Variants in LAIR1 observed in about 807,000 individuals in gnomAD.
LAIR1 encodes the protein leukocyte-associated immunoglobulin-like receptor 1.
A neutral mutation model predicts 32.8 loss-of-function variants in LAIR1; 24 were observed. The observed-to-expected ratio is 0.73, with a 90% CI of 0.53 to 1.03. The LOEUF is 1.03. Among genes scored for constraint, LAIR1 ranks in the 50% least tolerant of loss-of-function variants. The pLI, the probability that LAIR1 is intolerant of heterozygous loss-of-function variation, is 0.00. For synonymous variants in LAIR1, 150 were observed against 140.5 expected (o/e 1.07, Z -0.48); for missense variants, 355 against 347.5 (o/e 1.02, Z -0.17).
Position 54,364,601 on chromosome 19 carries a change from C to A in LAIR1, c.34+170G>T. On this transcript the variant is annotated intron_variant, in intron 1 of 9. Coordinates refer to ENST00000391742, the MANE Select transcript of LAIR1 (RefSeq NM_002287.6). This position sits in a 1 kb window ranked among gnomAD's most constrained non-coding sequence, Gnocchi z 4.8. ...CACACCCGGGCCCCTGTTTTTAGGA[C>A]AAGATCTTCTCTGATCAGACTTAGG... The A allele has an allele frequency of 1.2e-6, 1 of 838,002 alleles. No homozygotes were observed. The allele number at this position is 838,002 out of a possible 1,614,324, so 51.9% of individuals were successfully genotyped here.
At chr19:54,370,804 A>T (rs2082387244), upstream of LAIR1, among the ~76,000 whole-genome samples, 3 of 150,942 alleles carry the variant, frequency 2.0e-5, no homozygotes, top group Admixed American at 6.6e-5. Flanking sequence ...TTACTCCCTA[A>T]TTAGTGCCTG....
In LAIR1 at chr19:54,364,378, T is replaced by A. The variant is rs766900448; in HGVS notation, c.35-48A>T. On this transcript the variant is annotated intron_variant, in intron 1 of 9. Coordinates refer to ENST00000391742, the MANE Select transcript of LAIR1 (RefSeq NM_002287.6). The surrounding 1 kb of genome is among the most constrained non-coding windows in gnomAD (Gnocchi z 4.8). Reference sequence around the variant, plus strand: ...AAAAATGCCCAGTGCCCAGTCTCCTTACGGGGCTGCTGTCAAAAGGGGGCT... The same window carrying A: ...AAAAATGCCCAGTGCCCAGTCTCCTAACGGGGCTGCTGTCAAAAGGGGGCT... 5.1e-5 allele frequency: 82 copies of A among 1,612,664 alleles called. 1 individual carries two copies. Among genetic ancestry groups the A allele is most frequent in the Non-Finnish European group, 1.1e-5 (13 of 1,178,848 alleles).
chr19:54,364,437 C>T lies in LAIR1; in HGVS notation c.35-107G>A, dbSNP rs777584699. 40 of 1,268,704 alleles carry T rather than the reference C, an allele frequency of 3.2e-5. No homozygotes were observed. Among genetic ancestry groups the T allele is most frequent in the Middle Eastern group, 1.8e-4 (1 of 5,464 alleles). 78.6% of individuals were successfully genotyped at this position (1,268,704 alleles called of 1,614,324 possible). ...CTGGGGGGCATTCAGCATTTCATAA[C>T]GACCAAGCCAACCCTCCTCGACATC... is the stretch of plus-strand genomic sequence containing the variant. On this transcript the variant is annotated intron_variant, in intron 1 of 9. Transcript: ENST00000391742. The surrounding 1 kb of genome is among the most constrained non-coding windows in gnomAD (Gnocchi z 4.8).
upstream of LAIR1, among the ~76,000 whole-genome samples, chr19:54,372,601 A>T (rs141279266): frequency 7.9e-3 from 1,166 of 147,620 alleles, 34 homozygotes; most frequent in Admixed American, 0.026. Flanking sequence ...AGTGATTCTC[A>T]TGCCTCAGCC....
In LAIR1 at chr19:54,356,625, A is replaced by G. The variant is rs1463739104; in HGVS notation, c.455-6T>C. The G allele has an allele frequency of 1.9e-6, 3 of 1,613,392 alleles. No individual in the cohort carries two copies. The African/African-American group carries it at 4.0e-5, about 22-fold the overall frequency. On this transcript the variant is annotated splice_region_variant and splice_polypyrimidine_tract_variant and intron_variant, in intron 5 of 9. Transcript: ENST00000391742. Reference sequence around the variant, plus strand: ...GCCTTGGGAAGCAGGTGCATCTAAGAAAGACAGAAACAGGATTTCAGCAGT... The same window carrying G: ...GCCTTGGGAAGCAGGTGCATCTAAGGAAGACAGAAACAGGATTTCAGCAGT...
At chr19:54,365,006 T>C, upstream of LAIR1, 1 of 1,436,944 alleles carries the variant, frequency 7.0e-7, no homozygotes, top group Non-Finnish European at 9.1e-7. Context: ...GGGAGGGCCT[T>C]GGTTTCTGAA....
At chr19:54,375,372 C>G (rs2082482187), upstream of LAIR1, among the ~76,000 whole-genome samples, 2 of 152,150 alleles carry the variant, frequency 1.3e-5, no homozygotes, top group African/African-American at 4.8e-5. Context: ...AATGCAGAGG[C>G]TCAGGATGCG....
At chr19:54,365,175 C>A, upstream of LAIR1, 1 of 620,564 alleles carries the variant, frequency 1.6e-6, no homozygotes, top group South Asian at 4.9e-5. Flanking sequence ...ACGGTCGCAG[C>A]TCTTGGGCAA....
upstream of LAIR1, among the ~76,000 whole-genome samples, chr19:54,365,349 G>C (rs2082219662): frequency 1.3e-5 from 2 of 151,300 alleles, no homozygotes. Context: ...GGAGACTATT[G>C]GTGAGGATGT....
intron 2 of LAIR1, among the ~76,000 whole-genome samples, chr19:54,361,542 T>G (rs867576524): frequency 0.024 from 3,319 of 136,642 alleles, no homozygotes; most frequent in Non-Finnish European, 0.039. Flanking sequence ...AGGGACAGAG[T>G]GTGGGAGGGA....
chr19:54,352,385 G>C lies in LAIR1; in HGVS notation c.*2883C>G, dbSNP rs1408495441. 1 of 153,806 alleles carries C rather than the reference G, an allele frequency of 6.5e-6. No individual in the cohort carries two copies. The highest frequency in any genetic ancestry group is 2.4e-5 in the African/African-American group (1 of 41,408). 9.5% of individuals were successfully genotyped at this position (153,806 alleles called of 1,614,324 possible). ...CCCCAGGTGGTGCTTGGGGGCCCGT[G>C]CAGCAGGAGGGACATCTTCTCCGCA... On this transcript the variant is annotated 3_prime_UTR_variant, in exon 10 of 10. Transcript: ENST00000391742.
At chr19:54,372,498 T>C (rs1392798039), upstream of LAIR1, among the ~76,000 whole-genome samples, 17 of 148,990 alleles carry the variant, frequency 1.1e-4, 1 homozygote, top group African/African-American at 4.3e-4. Flanking sequence ...TTTCTTTTTT[T>C]TTTTTTTTTT....
chr19:54,356,294 C>T, intron 7 of LAIR1, 27 bp from the exon 8 acceptor site: 2 of 1,611,476 alleles, frequency 1.2e-6, no homozygotes, highest in East Asian at 2.2e-5. Flanking sequence ...AAGTGAACCT[C>T]AGGGGCAGCC....
At chr19:54,365,073 G>A, upstream of LAIR1, 1 of 1,362,202 alleles carries the variant, frequency 7.3e-7, no homozygotes, top group Non-Finnish European at 9.4e-7. Context: ...CTAGTTACCA[G>A]ATGTGTCAGC....
rs560647000 is a variant in LAIR1, at chr19:54,354,282, T to A, written c.*986A>T. ...GTGTGAGAGCATGCATTCCTGTGCA[T>A]GTATGTGCAGATGTGGACCTGTAGG... On this transcript the variant is annotated 3_prime_UTR_variant, in exon 10 of 10. Coordinates refer to ENST00000391742, the MANE Select transcript of LAIR1 (RefSeq NM_002287.6). 6.6e-6 allele frequency: 1 copy of A among 152,214 alleles called. No individual in the cohort carries two copies. Among genetic ancestry groups the A allele is most frequent in the Non-Finnish European group, 1.5e-5 (1 of 68,042 alleles). The allele number at this position is 152,214 out of a possible 1,614,324, so 9.4% of individuals were successfully genotyped here. A position where few individuals can be genotyped will look rare whatever the true frequency, so the allele number is the denominator to read the frequency against.
upstream of LAIR1, among the ~76,000 whole-genome samples, chr19:54,369,221 G>T (rs1226931954): frequency 6.6e-6 from 1 of 151,246 alleles, no homozygotes; most frequent in Non-Finnish European, 1.5e-5. Flanking sequence ...CTTTGCCTGT[G>T]CTGGGATCCA....
At chr19:54,367,183 A>T (rs1297259611), upstream of LAIR1, among the ~76,000 whole-genome samples, 2 of 152,244 alleles carry the variant, frequency 1.3e-5, no homozygotes, top group East Asian at 1.9e-4. Flanking sequence ...GCATCAGAAT[A>T]GTCCAAACGT....
rs1209046564 is a variant in LAIR1 at position 54,352,021 on chromosome 19, G to T, written c.*3247C>A. ...TGGGGTCCTGGTACCTACAGTGATG[G>T]TTCTGAATAAAGCCCTCCTTACTCT... On this transcript the variant is annotated 3_prime_UTR_variant, in exon 10 of 10. Coordinates refer to ENST00000391742, the MANE Select transcript of LAIR1 (RefSeq NM_002287.6). 2 of 152,136 alleles carry T rather than the reference G, an allele frequency of 1.3e-5. No individual in the cohort carries two copies. Among genetic ancestry groups the T allele is most frequent in the Non-Finnish European group, 2.9e-5 (2 of 68,042 alleles). The allele number at this position is 152,136 out of a possible 1,614,324, so 9.4% of individuals were successfully genotyped here.
chr19:54,356,101 A>C, intron 8 of LAIR1, 95 bp from the exon 9 acceptor site: 1 of 1,271,432 alleles, frequency 7.9e-7, no homozygotes, highest in African/African-American at 1.5e-5. Context: ...GACATCCTGC[A>C]CCCAATGTAT....
Sources: gnomAD v4.1 joint callset for allele counts (sites outside exome capture counted in the v4.1 genomes callset) on GRCh38, gnomAD v4.1.1 for gene constraint, Gnocchi (gnomAD v3.1) non-coding constraint, MANE v1.5 for transcripts, NCBI Gene and HGNC (gene_info 2026-07-23, HGNC 2026-07-21) for gene names.